The following GRM5 variants were observed in gnomAD, a reference collection of about 807,000 sequenced individuals.
GRM5 encodes the protein glutamate metabotropic receptor 5.
Under a neutral mutation model 83.1 loss-of-function variants are expected in GRM5, and 19 were observed. The ratio of observed to expected loss-of-function variants is 0.23; its 90% CI spans 0.16 to 0.34. The LOEUF (loss-of-function observed/expected upper bound fraction) is 0.34. Among genes scored for constraint, GRM5 ranks in the 10% least tolerant of loss-of-function variants. The pLI is 1.00. For synonymous variants in GRM5, 675 were observed against 633.6 expected, an observed-to-expected ratio of 1.07 and a Z score of -0.98; for missense variants, 1,160 against 1,588.3, an observed-to-expected ratio of 0.73 and a Z score of 4.58.
intron 2 of GRM5, among the ~76,000 whole-genome samples, chr11:88,979,859 A>AT (rs574474710): frequency 9.3e-5 from 14 of 150,238 alleles, no homozygotes; most frequent in South Asian, 2.1e-4. Flanking sequence ...AGACATTAAC[A>AT]TTTTTTTTTT....
At chr11:89,049,987 G>A (rs1044623789) in intron 1 of GRM5, among the ~76,000 whole-genome samples, 5 of 152,120 alleles carry the variant, frequency 3.3e-5, no homozygotes, top group East Asian at 1.9e-4. Flanking sequence ...GAATGTTAGC[G>A]AGTGAACAAA....
intron 3 of GRM5, among the ~76,000 whole-genome samples, chr11:88,829,901 T>C (rs1416232091): frequency 1.3e-5 from 2 of 152,088 alleles, no homozygotes. Context: ...AACCAAAGTA[T>C]ATATTGAGGG....
intron 2 of GRM5, among the ~76,000 whole-genome samples, chr11:89,025,505 G>C (rs117948948): frequency 0.032 from 4,825 of 152,296 alleles, 113 homozygotes; most frequent in Non-Finnish European, 0.048. Flanking sequence ...CAATAACCTG[G>C]AAGTGATCTA....
chr11:88,696,592 T>C (rs1940909862), intron 3 of GRM5, among the ~76,000 whole-genome samples: 1 of 152,188 alleles, frequency 6.6e-6, no homozygotes, highest in South Asian at 2.1e-4. Context: ...AATTGGGATT[T>C]CCAAGTCAGA....
intron 3 of GRM5, among the ~76,000 whole-genome samples, chr11:88,769,066 C>A (rs951091059): frequency 1.3e-5 from 2 of 151,980 alleles, no homozygotes; most frequent in Admixed American, 6.6e-5. Context: ...TTAAGTACTG[C>A]GCTCTAGTCA....
At position 88,673,352 on chromosome 11, in the gene GRM5, C is replaced by T. The variant is rs78540561; in HGVS notation, c.912-19949G>A. On this transcript the variant is annotated intron_variant, in intron 3 of 9. Transcript: ENST00000305447. ...AAGGAAAACAAATCTAGAATGACAC[C>T]GAATTTTCTGATTTGAGTGATTAGT... Among the ~76,000 whole-genome samples the T allele has an allele frequency of 6.6e-3, 997 of 151,748 alleles. 7 individuals are homozygous for T. Among genetic ancestry groups the T allele is most frequent in the African/African-American group, 0.023 (963 of 41,458 alleles).
At chr11:89,039,824 A>G (rs1249785547) in intron 2 of GRM5, among the ~76,000 whole-genome samples, 1 of 152,138 alleles carries the variant, frequency 6.6e-6, no homozygotes, top group African/African-American at 2.4e-5. Context: ...TGCATTTGAT[A>G]TTGGTCTTGC....
At chr11:88,873,396 G>A (rs1944801209) in intron 2 of GRM5, among the ~76,000 whole-genome samples, 1 of 151,544 alleles carries the variant, frequency 6.6e-6, no homozygotes, top group Non-Finnish European at 1.5e-5. Flanking sequence ...TCACGTAACA[G>A]CCTCAGAATA....
At position 88,599,839 on chromosome 11, in the gene GRM5, C is replaced by A. The variant is rs188125452; in HGVS notation, c.1395-2487G>T. Among the ~76,000 whole-genome samples the A allele has an allele frequency of 1.6e-4, 25 of 152,118 alleles. No homozygotes were observed. The East Asian group carries it at 4.9e-3, about 30-fold the overall frequency. On this transcript the variant is annotated intron_variant, in intron 5 of 9. Coordinates refer to ENST00000305447, the MANE Select transcript of GRM5 (RefSeq NM_001143831.3). Reference sequence around the variant, plus strand: ...CCATCCTGGCTAACATGGTGAAACCCCGTCTCTACTAAAAATAAAAAAAAT... The same window carrying A: ...CCATCCTGGCTAACATGGTGAAACCACGTCTCTACTAAAAATAAAAAAAAT...
At chr11:88,561,209 T>G (rs1372944845) in intron 8 of GRM5, among the ~76,000 whole-genome samples, 1 of 152,194 alleles carries the variant, frequency 6.6e-6, no homozygotes, top group Non-Finnish European at 1.5e-5. Context: ...CATATTGTAA[T>G]TCGGCCAATG....
At chr11:88,998,244 T>C (rs1427293424) in intron 2 of GRM5, among the ~76,000 whole-genome samples, 1 of 152,164 alleles carries the variant, frequency 6.6e-6, no homozygotes, top group Non-Finnish European at 1.5e-5. Context: ...TTATACACCA[T>C]GACCAAGTGG....
At chr11:88,775,022 T>A (rs1319912092) in intron 3 of GRM5, among the ~76,000 whole-genome samples, 1 of 152,218 alleles carries the variant, frequency 6.6e-6, no homozygotes, top group East Asian at 1.9e-4. Context: ...TCAGAAGGAA[T>A]GGTACCAGCT....
At chr11:88,545,436 T>G (rs1230924372) in intron 8 of GRM5, among the ~76,000 whole-genome samples, 1 of 152,114 alleles carries the variant, frequency 6.6e-6, no homozygotes, top group Non-Finnish European at 1.5e-5. Flanking sequence ...TTAGTCCTAT[T>G]ATTATCAAAT....
intron 3 of GRM5, among the ~76,000 whole-genome samples, chr11:88,778,073 G>T (rs1247203577): frequency 6.6e-6 from 1 of 152,038 alleles, no homozygotes; most frequent in African/African-American, 2.4e-5. Flanking sequence ...ATGGAGTCTA[G>T]AGGCAGTAGG....
chr11:88,666,184 G>T (rs865885797), intron 3 of GRM5, among the ~76,000 whole-genome samples: 14 of 152,284 alleles, frequency 9.2e-5, no homozygotes, highest in South Asian at 4.1e-4. Flanking sequence ...AAGAAAAAAA[G>T]AATTGTAATT....
intron 3 of GRM5, among the ~76,000 whole-genome samples, chr11:88,781,414 T>A (rs951877111): frequency 6.6e-6 from 1 of 152,076 alleles, no homozygotes; most frequent in East Asian, 1.9e-4. Flanking sequence ...CAGGTACACA[T>A]CTTTCATTTG....
At chr11:89,042,598 G>A (rs898051349) in intron 2 of GRM5, among the ~76,000 whole-genome samples, 4 of 152,096 alleles carry the variant, frequency 2.6e-5, no homozygotes, top group African/African-American at 9.7e-5. Context: ...AATTCCTGGA[G>A]AAACAAAATA....
chr11:88,976,739 G>T (rs1939349996), intron 2 of GRM5, among the ~76,000 whole-genome samples: 1 of 151,870 alleles, frequency 6.6e-6, no homozygotes, highest in Non-Finnish European at 1.5e-5. Flanking sequence ...TTATATTGTG[G>T]TAGTTGCAAT....
At chr11:88,962,243 T>C (rs1234334955) in intron 2 of GRM5, among the ~76,000 whole-genome samples, 2 of 152,148 alleles carry the variant, frequency 1.3e-5, no homozygotes, top group Non-Finnish European at 2.9e-5. Context: ...AGTTTATCCA[T>C]CAGTTTAATA....
Sources: gnomAD v4.1 joint callset for allele counts (sites outside exome capture counted in the v4.1 genomes callset) on GRCh38, gnomAD v4.1.1 for gene constraint, MANE v1.5 for transcripts, NCBI Gene and HGNC (gene_info 2026-07-23, HGNC 2026-07-21) for gene names.